The following CDK17 variants were observed in gnomAD, a reference collection of about 807,000 sequenced individuals.
CDK17 encodes the protein cyclin dependent kinase 17, also known as cyclin-dependent kinase 17.
A neutral mutation model predicts 77.6 loss-of-function variants in CDK17; 24 were observed. That is an observed-to-expected ratio of 0.31 (90% CI 0.22 to 0.44). The LOEUF (loss-of-function observed/expected upper bound fraction) is 0.44, where lower values mean the gene tolerates loss of function less well. CDK17 is among the 20% of genes least tolerant of loss of function. The pLI is 1.00. For missense variants in CDK17, 429 were observed against 622.5 expected (o/e 0.69, Z 3.31); for synonymous variants, 203 against 210.4 (o/e 0.96, Z 0.30).
chr12:96,354,586 T>C (rs537556477), intron 1 of CDK17, among the ~76,000 whole-genome samples: 19 of 152,242 alleles, frequency 1.2e-4, no homozygotes, highest in African/African-American at 4.1e-4. Flanking sequence ...GAATTTAATG[T>C]TTAGAGCATC....
At chr12:96,304,629 A>G (rs1952553636) in intron 5 of CDK17, among the ~76,000 whole-genome samples, 1 of 152,242 alleles carries the variant, frequency 6.6e-6, no homozygotes, top group African/African-American at 2.4e-5. Flanking sequence ...ACTGTTAACG[A>G]AAGAAATGTG....
At chr12:96,373,948 C>CA (rs543117883) in intron 1 of CDK17, among the ~76,000 whole-genome samples, 218 of 151,638 alleles carry the variant, frequency 1.4e-3, no homozygotes, top group African/African-American at 5.1e-3. Context: ...GACTCCGTCT[C>CA]AAAAAAACAA....
chr12:96,349,891 A>G (rs559338607), intron 1 of CDK17, among the ~76,000 whole-genome samples: 1 of 152,248 alleles, frequency 6.6e-6, no homozygotes, highest in South Asian at 2.1e-4. Flanking sequence ...CACAAATAAA[A>G]CCCCATTAGA....
chr12:96,398,482 C>T (rs1377469483), intron 1 of CDK17, among the ~76,000 whole-genome samples: 1 of 152,188 alleles, frequency 6.6e-6, no homozygotes, highest in Non-Finnish European at 1.5e-5. Context: ...AGTTTCAAGG[C>T]AAGCTTTGTC....
chr12:96,395,849 A>C (rs1167297338), intron 1 of CDK17, among the ~76,000 whole-genome samples: 1 of 152,196 alleles, frequency 6.6e-6, no homozygotes, highest in Non-Finnish European at 1.5e-5. Flanking sequence ...GAAAGGACTT[A>C]AGAGTGCCCA....
At chr12:96,382,591 C>T (rs556292247) in intron 1 of CDK17, among the ~76,000 whole-genome samples, 2 of 152,130 alleles carry the variant, frequency 1.3e-5, no homozygotes, top group Admixed American at 6.5e-5. Flanking sequence ...CCCCGATGAA[C>T]ATAGACACAA....
At chr12:96,371,657 A>T (rs1043530427) in intron 1 of CDK17, among the ~76,000 whole-genome samples, 2 of 152,032 alleles carry the variant, frequency 1.3e-5, no homozygotes, top group African/African-American at 4.8e-5. Context: ...ACTTGAACCC[A>T]GGGGGCGGAG....
intron 3 of CDK17, among the ~76,000 whole-genome samples, chr12:96,319,990 G>C (rs1325878977): frequency 1.3e-5 from 2 of 151,306 alleles, no homozygotes; most frequent in African/African-American, 4.9e-5. Context: ...TATTCAATTA[G>C]GAAAAGAGGA....
chr12:96,383,066 G>C (rs1031699216), intron 1 of CDK17, among the ~76,000 whole-genome samples: 1 of 152,094 alleles, frequency 6.6e-6, no homozygotes, highest in African/African-American at 2.4e-5. Context: ...TTCAGTAAAG[G>C]TTCAGGATAC....
chr12:96,362,653 T>C (rs1953513104), intron 1 of CDK17, among the ~76,000 whole-genome samples: 1 of 152,232 alleles, frequency 6.6e-6, no homozygotes, highest in Non-Finnish European at 1.5e-5. Flanking sequence ...ATATACAGTC[T>C]CTGCTAAATA....
In CDK17 at chr12:96,313,420, A is replaced by G. The variant is rs145149401; in HGVS notation, c.318T>C (p.Asp106=). The change falls in exon 4 of 17, where the codon GAT becomes GAC. Residue 106 remains aspartate, a synonymous_variant. Transcript: ENST00000261211. ...IVHENLKMGS[D]GESDQASGTS... The stretch of plus-strand genomic sequence containing the variant: ...TCCCAGAAGCTTGGTCACTCTCACC[A>G]TCTGATCCCATTTTTAGATTTTCAT... 1.4e-4 allele frequency: 218 copies of G among 1,574,608 alleles called. No homozygotes were observed. Among genetic ancestry groups the G allele is most frequent in the African/African-American group, 1.3e-3 (94 of 72,984 alleles).
At chr12:96,377,688 T>C (rs1350266488) in intron 1 of CDK17, among the ~76,000 whole-genome samples, 6 of 143,004 alleles carry the variant, frequency 4.2e-5, no homozygotes, top group Admixed American at 2.2e-4. Flanking sequence ...AGCAGTTTTT[T>C]TTTTTCGTTT....
chr12:96,358,370 T>TAAAA (rs35899533), intron 1 of CDK17, among the ~76,000 whole-genome samples: 11 of 35,182 alleles, frequency 3.1e-4, no homozygotes, highest in African/African-American at 5.8e-4. Flanking sequence ...TGCAAACTTG[T>TAAAA]AAAAAAAAAA....
rs781633525 is a variant in CDK17, at chr12:96,320,539, G to A, written c.283+3409C>T. On this transcript the variant is annotated intron_variant, in intron 3 of 16. Coordinates refer to ENST00000261211, the MANE Select transcript of CDK17 (RefSeq NM_002595.5). ...AAAAGAACAAAGCTGGAGGCATCAC[G>A]CTACCTGACTTCAAACTATACTACA... Among the ~76,000 whole-genome samples, 1,127 of 146,996 alleles carry A rather than the reference G, an allele frequency of 7.7e-3. 4 individuals are homozygous for A. Among genetic ancestry groups the A allele is most frequent in the South Asian group, 0.02 (90 of 4,476 alleles).
At position 96,313,372 on chromosome 12, in the gene CDK17, T is replaced by C. The variant is rs758441926; in HGVS notation, c.366A>G (p.Ser122=). 41 of 1,599,978 alleles carry C rather than the reference T, an allele frequency of 2.6e-5. No individual in the cohort carries two copies. In the African/African-American group the frequency reaches 3.5e-4, roughly 14 times the overall value. ...ASGTSSDEVQ[S]PTGVCLRNRI... ...GATTTCTGAGACAAACACCTGTAGG[T>C]GACTGGACTTCATCAGATGATGTCC... Residue 122 remains serine (S), a synonymous_variant, in exon 4 of 17, where the codon TCA becomes TCG. Coordinates refer to ENST00000261211, the MANE Select transcript of CDK17 (RefSeq NM_002595.5).
At chr12:96,320,680 C>G (rs1282485348) in intron 3 of CDK17, among the ~76,000 whole-genome samples, 5 of 150,830 alleles carry the variant, frequency 3.3e-5, no homozygotes, top group Non-Finnish European at 7.4e-5. Flanking sequence ...TGATCTTTGA[C>G]AAACCTGAGA....
chr12:96,398,152 A>G lies in CDK17; in HGVS notation c.-30+1834T>C, dbSNP rs576739132. On this transcript the variant is annotated intron_variant, in intron 1 of 16. Coordinates refer to ENST00000261211, the MANE Select transcript of CDK17 (RefSeq NM_002595.5). ...AAAGACTCCCGTTTTTTTTTAAGCC[A>G]ACCATTCAAACTGTTAGTGCTTCTG... Among the ~76,000 whole-genome samples, 356 of 151,954 alleles carry G rather than the reference A, an allele frequency of 2.3e-3. 1 individual carries two copies. The highest frequency in any genetic ancestry group is 8.2e-3 in the African/African-American group (341 of 41,414).
intron 1 of CDK17, among the ~76,000 whole-genome samples, chr12:96,351,007 A>C (rs1324000367): frequency 1.3e-5 from 2 of 152,168 alleles, no homozygotes; most frequent in Non-Finnish European, 2.9e-5. Context: ...ACAAACACCC[A>C]ATTTAAAAAT....
Position 96,286,050 on chromosome 12 carries a change from C to T in CDK17, c.1315G>A (p.Ala439Thr), listed in dbSNP as rs769179062. ...KYKPQPLINH[A>T]PRLDSEGIEL... is the part of the protein sequence containing the mutation. ...CATAAGAAAAAAAAATACCTGGGTGCGTGGTTAATTAGAGGCTGTGGTTTA... is the reference window on the plus strand; with the variant it reads ...CATAAGAAAAAAAAATACCTGGGTGTGTGGTTAATTAGAGGCTGTGGTTTA... The change falls in exon 13 of 17, where the codon GCA becomes ACA. Residue 439 changes from alanine (A) to threonine (T), a missense_variant. Ala to Thr is a moderately conservative substitution (Grantham distance 58). Coordinates refer to ENST00000261211, the MANE Select transcript of CDK17 (RefSeq NM_002595.5). 15 of 1,532,166 alleles carry T rather than the reference C, an allele frequency of 9.8e-6. No individual in the cohort carries two copies. The highest frequency in any genetic ancestry group is 8.7e-5 in the Admixed American group (5 of 57,396). The allele number at this position is 1,532,166 out of a possible 1,614,324, so 94.9% of individuals were successfully genotyped here.
Sources: allele counts gnomAD v4.1 joint callset (sites outside exome capture counted in the v4.1 genomes callset), GRCh38; gene constraint gnomAD v4.1.1; transcripts MANE v1.5; gene names NCBI Gene and HGNC (gene_info 2026-07-23, HGNC 2026-07-21).